Variants in YTHDC2 observed in about 807,000 individuals in gnomAD.
The protein encoded by YTHDC2 is 3'-5' RNA helicase YTHDC2.
A neutral mutation model predicts 174.9 loss-of-function variants in YTHDC2; 45 were observed. The ratio of observed to expected loss-of-function variants is 0.26; its 90% confidence interval spans 0.20 to 0.33. The LOEUF is 0.33. Among genes scored for constraint, YTHDC2 ranks in the 10% least tolerant of loss-of-function variants. YTHDC2 has a pLI of 1.00. For missense variants in YTHDC2, 1,650 were observed against 1,723.7 expected (o/e 0.96, Z 0.76); for synonymous variants, 657 against 574.5 (o/e 1.14, Z -2.05).
At chr5:113,550,554 G>T (rs375199906) in intron 12 of YTHDC2, among the ~76,000 whole-genome samples, 12 of 151,918 alleles carry the variant, frequency 7.9e-5, no homozygotes, top group Admixed American at 5.9e-4. Flanking sequence ...GTGTAGGGAA[G>T]TGGAAGTGGT....
At chr5:113,562,886 A>T (rs745358533) in intron 18 of YTHDC2, among the ~76,000 whole-genome samples, 2 of 152,180 alleles carry the variant, frequency 1.3e-5, no homozygotes, top group Admixed American at 6.5e-5. Context: ...GTAGTTAATT[A>T]TATAATTAAT....
At chr5:113,570,709 G>T (rs1261267894) in intron 23 of YTHDC2, among the ~76,000 whole-genome samples, 1 of 151,896 alleles carries the variant, frequency 6.6e-6, no homozygotes, top group Non-Finnish European at 1.5e-5. Flanking sequence ...GGAGTGCAGC[G>T]GTGTGATCTC....
chr5:113,548,488 T>C, intron 10 of YTHDC2, 53 bp from the exon 11 acceptor site: 1 of 1,515,266 alleles, frequency 6.6e-7, no homozygotes, highest in South Asian at 1.3e-5. Context: ...AGAATGAAAA[T>C]GGTTTGAAGT....
intron 12 of YTHDC2, among the ~76,000 whole-genome samples, chr5:113,551,286 C>T (rs1046051775): frequency 6.6e-6 from 1 of 151,920 alleles, no homozygotes; most frequent in Non-Finnish European, 1.5e-5. Context: ...TCACTAGATA[C>T]TGCAGGTTAC....
At chr5:113,589,860 T>TG (rs1778915555) in intron 26 of YTHDC2, among the ~76,000 whole-genome samples, 1 of 152,212 alleles carries the variant, frequency 6.6e-6, no homozygotes, top group Non-Finnish European at 1.5e-5. Flanking sequence ...TTACATCAAC[T>TG]CTGTCATCTC....
At chr5:113,531,325 G>A (rs1186751660) in intron 4 of YTHDC2, among the ~76,000 whole-genome samples, 1 of 152,144 alleles carries the variant, frequency 6.6e-6, no homozygotes, top group Non-Finnish European at 1.5e-5. Context: ...ACTGAGGAAG[G>A]TGCTGTAAAG....
chr5:113,533,393 T>C (rs1350849872), intron 5 of YTHDC2, among the ~76,000 whole-genome samples: 2 of 149,956 alleles, frequency 1.3e-5, no homozygotes, highest in African/African-American at 4.9e-5. Flanking sequence ...AAAAAAAAAA[T>C]ACAAAATTAT....
chr5:113,549,427 A>G (rs1227516112), intron 12 of YTHDC2, among the ~76,000 whole-genome samples: 1 of 152,188 alleles, frequency 6.6e-6, no homozygotes, highest in African/African-American at 2.4e-5. Context: ...ACTTAGCAGA[A>G]CTAAGAAAAC....
intron 17 of YTHDC2, 73 bp from the exon 18 acceptor site, chr5:113,561,007 A>T (rs1776925179): frequency 1.6e-6 from 2 of 1,262,728 alleles, no homozygotes; most frequent in East Asian, 5.0e-5. Flanking sequence ...TCTTTCCTAA[A>T]TCACATTGCG....
chr5:113,537,997 A>T (rs1385992362), intron 7 of YTHDC2, among the ~76,000 whole-genome samples: 1 of 152,098 alleles, frequency 6.6e-6, no homozygotes, highest in African/African-American at 2.4e-5. Flanking sequence ...CCCACCAGCA[A>T]ACCTGTTCTT....
intron 18 of YTHDC2, among the ~76,000 whole-genome samples, chr5:113,561,567 C>G (rs1336460618): frequency 6.6e-6 from 1 of 151,298 alleles, no homozygotes; most frequent in African/African-American, 2.4e-5. Flanking sequence ...CTCCCGGGTT[C>G]AAGCGATTCT....
chr5:113,554,909 T>C (rs1315439461), intron 16 of YTHDC2, among the ~76,000 whole-genome samples: 1 of 152,036 alleles, frequency 6.6e-6, no homozygotes, highest in Non-Finnish European at 1.5e-5. Context: ...ATTATATCTA[T>C]TTAGTGGATA....
rs781472641 is a variant in YTHDC2 at position 113,548,547 on chromosome 5, A to G, written c.1502A>G (p.Tyr501Cys). ...LILTENVSVD[Y>C]RHSETSATAL... is the part of the protein sequence containing the mutation. ...TATCTTTTCCTTTTTTTAGTTGATT[A>G]CAGACATAGTGAAACCAGTGCAACA... is the stretch of plus-strand genomic sequence containing the variant. Residue 501 changes from tyrosine (Y) to cysteine (C), a missense_variant, in exon 11 of 30, where the codon TAC becomes TGC. Physicochemically the swap from Tyr to Cys is radical, Grantham distance 194 (BLOSUM62 -2). Around this residue, in one of 5 missense-constraint regions of YTHDC2, gnomAD observed 411 missense variants for 380.6 expected, o/e 1.08. Coordinates refer to ENST00000161863, the MANE Select transcript of YTHDC2 (RefSeq NM_022828.5). The G allele has an allele frequency of 2.5e-6, 4 of 1,593,598 alleles. No individual in the cohort carries two copies. The highest frequency in any genetic ancestry group is 2.7e-5 in the African/African-American group (2 of 73,672).
intron 18 of YTHDC2, 41 bp downstream of exon 18, chr5:113,561,226 A>G (rs1429197252): frequency 1.3e-6 from 2 of 1,496,584 alleles, no homozygotes; most frequent in African/African-American, 1.4e-5. Flanking sequence ...TTTTTGGGTG[A>G]GGGAAGTGAG....
At chr5:113,521,186 A>G (rs71577451) in intron 2 of YTHDC2, among the ~76,000 whole-genome samples, 34 of 152,328 alleles carry the variant, frequency 2.2e-4, no homozygotes, top group Non-Finnish European at 3.8e-4. Flanking sequence ...CAAGTTTTAT[A>G]AGGCAGAGTC....
rs1779143672 is a variant in YTHDC2, at chr5:113,594,100, T to C, written c.*626T>C. On this transcript the variant is annotated 3_prime_UTR_variant, in exon 30 of 30. Coordinates refer to ENST00000161863, the MANE Select transcript of YTHDC2 (RefSeq NM_022828.5). ...TGTGATTATGAAATGCAATAAAATCTGAATAAAGGGCAAAGTTTCTTCCTG... is the reference window on the plus strand; with the variant it reads ...TGTGATTATGAAATGCAATAAAATCCGAATAAAGGGCAAAGTTTCTTCCTG... 1.3e-5 allele frequency: 2 copies of C among 152,212 alleles called. No individual in the cohort carries two copies. Among genetic ancestry groups the C allele is most frequent in the Non-Finnish European group, 2.9e-5 (2 of 68,032 alleles). The allele number at this position is 152,212 out of a possible 1,614,324, so 9.4% of individuals were successfully genotyped here.
At chr5:113,543,793 C>T (rs1488986136) in intron 10 of YTHDC2, among the ~76,000 whole-genome samples, 1 of 152,160 alleles carries the variant, frequency 6.6e-6, no homozygotes, top group Non-Finnish European at 1.5e-5. Flanking sequence ...TCATGTATGC[C>T]AACACATTCC....
intron 26 of YTHDC2, among the ~76,000 whole-genome samples, chr5:113,590,079 T>C (rs1170494251): frequency 6.6e-6 from 1 of 152,108 alleles, no homozygotes; most frequent in African/African-American, 2.4e-5. Context: ...AATCAGAGTC[T>C]CAAGATGACA....
intron 23 of YTHDC2, among the ~76,000 whole-genome samples, chr5:113,572,667 A>G (rs892761469): frequency 2.6e-5 from 4 of 152,344 alleles, no homozygotes; most frequent in South Asian, 2.1e-4. Context: ...GCTTGCATAT[A>G]TATTTAGGAT....
Sources: gnomAD v4.1 joint callset for allele counts (sites outside exome capture counted in the v4.1 genomes callset) on GRCh38, gnomAD v4.1.1 for gene constraint, gnomAD v4.1.1 regional missense constraint, MANE v1.5 for transcripts, NCBI Gene and HGNC (gene_info 2026-07-23, HGNC 2026-07-21) for gene names.